The following CACNA1I variants were observed in gnomAD, a reference collection of about 807,000 sequenced individuals.
CACNA1I encodes the protein voltage-dependent T-type calcium channel subunit alpha-1I.
In CACNA1I, 74 loss-of-function variants were observed where a neutral mutation model predicts 201.6. The observed-to-expected ratio is 0.37, with a 90% CI of 0.30 to 0.45. The LOEUF is 0.45. Ranked by LOEUF, CACNA1I falls within the 20% of genes least tolerant of loss-of-function variation. CACNA1I has a pLI of 1.00. For synonymous variants in CACNA1I, 1,431 were observed against 1,345.2 expected (o/e 1.06, Z -1.40); for missense variants, 2,346 against 3,138.1 (o/e 0.75, Z 6.03).
At chr22:39,658,876 G>C in intron 11 of CACNA1I, 55 bp from the exon 12 acceptor site, 1 of 1,447,000 alleles carries the variant, frequency 6.9e-7, no homozygotes, top group East Asian at 2.5e-5. Context: ...CTCTCCCCCT[G>C]GCCTCCTACT....
At chr22:39,596,643 G>T (rs552416537) in intron 1 of CACNA1I, among the ~76,000 whole-genome samples, 1 of 151,946 alleles carries the variant, frequency 6.6e-6, no homozygotes, top group Admixed American at 6.6e-5. Flanking sequence ...GCAGGGGCAG[G>T]GTTTTGTGCT....
chr22:39,606,730 C>G (rs1933231882), intron 3 of CACNA1I, among the ~76,000 whole-genome samples: 1 of 152,222 alleles, frequency 6.6e-6, no homozygotes, highest in Non-Finnish European at 1.5e-5. Flanking sequence ...CGGGGTTTCA[C>G]CATGTTGGCC....
At chr22:39,582,145 C>A (rs749558970) in intron 1 of CACNA1I, among the ~76,000 whole-genome samples, 9 of 152,156 alleles carry the variant, frequency 5.9e-5, no homozygotes, top group Non-Finnish European at 1.0e-4. Context: ...CAGCCCCACA[C>A]ACATGTCACA....
chr22:39,654,029 C>G (rs1451849470), intron 10 of CACNA1I, among the ~76,000 whole-genome samples: 1 of 152,214 alleles, frequency 6.6e-6, no homozygotes, highest in Non-Finnish European at 1.5e-5. Context: ...AGGCCTGATT[C>G]CTTCATCATC....
rs1421860515 is a variant in CACNA1I, at chr22:39,646,903, G to A, written c.1462+22G>A. 8 of 1,464,938 alleles carry A rather than the reference G, an allele frequency of 5.5e-6. 1 individual carries two copies. Among genetic ancestry groups the A allele is most frequent in the South Asian group, 4.2e-5 (3 of 70,842 alleles). The allele number at this position is 1,464,938 out of a possible 1,614,324, so 90.7% of individuals were successfully genotyped here. A position where few individuals can be genotyped will look rare whatever the true frequency, so the allele number is the denominator to read the frequency against. On this transcript the variant is annotated intron_variant, in intron 8 of 36. Transcript: ENST00000402142. ...TACCGTAAGTGGCCCTGCATCCGAC[G>A]CGGCACTCAGGCACTTCGTGCCAAG...
chr22:39,685,038 G>C lies in CACNA1I; in HGVS notation c.6027+540G>C, dbSNP rs114550694. ...GGCTCCGCTGTGGGGGTGGGGAAAT[G>C]GGGCCGGGCCGGCTCCCACAGTGAG... On this transcript the variant is annotated intron_variant, in intron 36 of 36. Coordinates refer to ENST00000402142, the MANE Select transcript of CACNA1I (RefSeq NM_021096.4). The surrounding 1 kb of genome is among the most constrained non-coding windows in gnomAD (Gnocchi z 5.0). The C allele has an allele frequency of 0.019, 3,522 of 184,144 alleles. 138 individuals carry two copies. The highest frequency in any genetic ancestry group is 0.078 in the African/African-American group (3,285 of 42,282). 11.4% of individuals were successfully genotyped at this position (184,144 alleles called of 1,614,324 possible). A position where few individuals can be genotyped will look rare whatever the true frequency, so the allele number is the denominator to read the frequency against.
intron 34 of CACNA1I, among the ~76,000 whole-genome samples, chr22:39,681,407 A>G (rs1463589046): frequency 1.3e-5 from 2 of 152,180 alleles, no homozygotes; most frequent in African/African-American, 4.8e-5. Context: ...AGCACCTGCT[A>G]TGTGCGGGGG....
chr22:39,635,348 G>A (rs1053091696), intron 5 of CACNA1I, among the ~76,000 whole-genome samples: 3 of 152,118 alleles, frequency 2.0e-5, no homozygotes, highest in African/African-American at 4.8e-5. Flanking sequence ...AAGGGGGGGG[G>A]TCCCTGCCCC....
Position 39,685,962 on chromosome 22 carries a change from C to T in CACNA1I, c.6229C>T (p.Leu2077=), listed in dbSNP as rs1309429264. 3.4e-5 allele frequency: 43 copies of T among 1,258,920 alleles called. No individual in the cohort carries two copies. The East Asian group carries it at 1.3e-3, about 37-fold the overall frequency. The allele number at this position is 1,258,920 out of a possible 1,614,324, so 78.0% of individuals were successfully genotyped here. ...LSLRGRGLFS[L]RGLRAHQRSH... ...CCTGCGCGGCCGGGGCCTCTTCAGCCTGCGGGGGCTGCGGGCGCATCAGCG... is the reference window on the plus strand; with the variant it reads ...CCTGCGCGGCCGGGGCCTCTTCAGCTTGCGGGGGCTGCGGGCGCATCAGCG... The change falls in exon 37 of 37, where the codon CTG becomes TTG. Residue 2077 remains leucine (L), a synonymous_variant. Transcript: ENST00000402142. This position sits in a 1 kb window ranked among gnomAD's most constrained non-coding sequence, Gnocchi z 5.0.
chr22:39,669,521 A>T (rs1935299954), intron 24 of CACNA1I, among the ~76,000 whole-genome samples: 1 of 151,196 alleles, frequency 6.6e-6, no homozygotes, highest in South Asian at 2.1e-4. Context: ...GGGTGAATGG[A>T]TGGATGGGTG....
chr22:39,642,967 G>T, intron 7 of CACNA1I, 78 bp downstream of exon 7: 2 of 956,990 alleles, frequency 2.1e-6, no homozygotes, highest in South Asian at 2.9e-5. Context: ...AGGGTCTTTG[G>T]GAGTCCCTAG....
intron 5 of CACNA1I, among the ~76,000 whole-genome samples, chr22:39,640,592 G>A (rs1019823216): frequency 7.9e-5 from 12 of 152,056 alleles, no homozygotes; most frequent in African/African-American, 2.2e-4. Flanking sequence ...CCAGACTCCC[G>A]AGGGAGTTGA....
intron 3 of CACNA1I, among the ~76,000 whole-genome samples, chr22:39,607,115 A>T (rs1933242785): frequency 6.6e-6 from 1 of 152,098 alleles, no homozygotes; most frequent in Non-Finnish European, 1.5e-5. Flanking sequence ...GGCTACTGGG[A>T]TCTCTCCAGA....
chr22:39,574,862 C>T (rs1418745844), intron 1 of CACNA1I, among the ~76,000 whole-genome samples: 1 of 152,232 alleles, frequency 6.6e-6, no homozygotes, highest in African/African-American at 2.4e-5. Context: ...GTCCCCCAGA[C>T]AGCCTGTCCT....
At chr22:39,585,699 T>TA (rs577223485) in intron 1 of CACNA1I, among the ~76,000 whole-genome samples, 3,458 of 90,306 alleles carry the variant, frequency 0.038, 177 homozygotes, top group African/African-American at 0.11. Flanking sequence ...GCTGTAAACT[T>TA]AAAAAAAAAA....
intron 1 of CACNA1I, among the ~76,000 whole-genome samples, chr22:39,578,733 C>T (rs1393859736): frequency 6.6e-6 from 1 of 152,228 alleles, no homozygotes; most frequent in Non-Finnish European, 1.5e-5. Flanking sequence ...CTCCCCGTAG[C>T]TCCTGGGAAT....
rs993757634 is a variant in CACNA1I, at chr22:39,684,690, G to C, written c.6027+192G>C. 6.1e-6 allele frequency: 4 copies of C among 651,830 alleles called. No homozygotes were observed. The Admixed American group carries it at 1.0e-4, about 16-fold the overall frequency. The allele number at this position is 651,830 out of a possible 1,614,324, so 40.4% of individuals were successfully genotyped here. ...GGGAGGTGGCACTGGGGCGGATGGA[G>C]TGGGCGGGGCTGGGTCCTGGGGACA... On this transcript the variant is annotated intron_variant, in intron 36 of 36. Transcript: ENST00000402142. The surrounding 1 kb of genome is among the most constrained non-coding windows in gnomAD (Gnocchi z 4.6).
chr22:39,667,154 C>T (rs1935224060), intron 23 of CACNA1I, among the ~76,000 whole-genome samples: 1 of 152,238 alleles, frequency 6.6e-6, no homozygotes, highest in East Asian at 1.9e-4. Context: ...GTTCCAGTGT[C>T]CTCATTTGTC....
rs112556733 is a variant in CACNA1I, at chr22:39,646,422, G to A, written c.1150-147G>A. On this transcript the variant is annotated intron_variant, in intron 7 of 36. Transcript: ENST00000402142. ...CTTGCTTCATTTCTGCCTCTGTACC[G>A]CCATCTCCATCTCCATCTCCCCATC... 91 of 1,288,090 alleles carry A rather than the reference G, an allele frequency of 7.1e-5. 1 individual carries two copies. In the Admixed American group the frequency reaches 2.2e-3, roughly 30 times the overall value. The allele number at this position is 1,288,090 out of a possible 1,614,324, so 79.8% of individuals were successfully genotyped here.
Sources: gnomAD v4.1 joint callset for allele counts (sites outside exome capture counted in the v4.1 genomes callset) on GRCh38, gnomAD v4.1.1 for gene constraint, Gnocchi (gnomAD v3.1) non-coding constraint, MANE v1.5 for transcripts, NCBI Gene and HGNC (gene_info 2026-07-23, HGNC 2026-07-21) for gene names.